HDAC9: variants seen among roughly 807,000 people sequenced by gnomAD.
HDAC9 encodes MEF-2 interacting transcription repressor (MITR) protein.
Under a neutral mutation model 139.4 loss-of-function variants are expected in HDAC9, and 41 were observed. That is an observed-to-expected ratio of 0.29 (90% CI 0.23 to 0.38). The LOEUF (loss-of-function observed/expected upper bound fraction) is 0.38. HDAC9 is among the 10% of genes least tolerant of loss of function. HDAC9 has a pLI of 1.00. For synonymous variants in HDAC9, 517 were observed against 476.2 expected (o/e 1.09, Z -1.12); for missense variants, 1,147 against 1,297.0 (o/e 0.88, Z 1.78).
At chr7:18,735,450 T>C (rs533481988) in intron 13 of HDAC9, among the ~76,000 whole-genome samples, 18 of 152,332 alleles carry the variant, frequency 1.2e-4, no homozygotes, top group Admixed American at 3.3e-4. Context: ...GCTTTCTACA[T>C]ATGTCTAGCC....
At chr7:18,551,536 T>A (rs1398261132) in intron 2 of HDAC9, among the ~76,000 whole-genome samples, 1 of 152,082 alleles carries the variant, frequency 6.6e-6, no homozygotes, top group Non-Finnish European at 1.5e-5. Context: ...ACCCTGACAA[T>A]GTGTGTCCTC....
chr7:18,588,265 G>A (rs904296231), intron 3 of HDAC9, among the ~76,000 whole-genome samples: 4 of 151,914 alleles, frequency 2.6e-5, no homozygotes. Flanking sequence ...GGCACCTAAT[G>A]TAAAAAACAA....
chr7:18,774,050 G>C (rs537515445), intron 16 of HDAC9, among the ~76,000 whole-genome samples: 1 of 151,834 alleles, frequency 6.6e-6, no homozygotes, highest in Non-Finnish European at 1.5e-5. Flanking sequence ...TGAGCCATAA[G>C]CAGGCAGTTC....
intron 7 of HDAC9, among the ~76,000 whole-genome samples, chr7:18,631,817 T>C (rs895322879): frequency 6.6e-5 from 10 of 151,974 alleles, no homozygotes; most frequent in Non-Finnish European, 1.0e-4. Context: ...CAAGCTCCAG[T>C]TCCAATATCA....
intron 1 of HDAC9, among the ~76,000 whole-genome samples, chr7:18,108,725 G>A (rs1278605930): frequency 1.3e-5 from 2 of 149,616 alleles, no homozygotes; most frequent in Admixed American, 6.8e-5. Context: ...AGATTCAAGC[G>A]ATTCTCCTGC....
chr7:18,181,966 C>T (rs542977266), intron 2 of HDAC9, among the ~76,000 whole-genome samples: 32 of 152,168 alleles, frequency 2.1e-4, no homozygotes, highest in East Asian at 1.9e-3. Flanking sequence ...AATTTGAAGA[C>T]GGAAGTGTTT....
intron 1 of HDAC9, among the ~76,000 whole-genome samples, chr7:18,462,734 A>G (rs1310763834): frequency 6.6e-6 from 1 of 152,014 alleles, no homozygotes; most frequent in Non-Finnish European, 1.5e-5. Context: ...ACTGCTGTAT[A>G]ATATCTACTC....
intron 6 of HDAC9, among the ~76,000 whole-genome samples, chr7:18,597,229 C>A (rs1832745448): frequency 6.6e-6 from 1 of 152,142 alleles, no homozygotes; most frequent in African/African-American, 2.4e-5. Flanking sequence ...GTGACTTCTC[C>A]TCCTTTCACA....
chr7:18,298,469 A>G (rs998974334), intron 1 of HDAC9, among the ~76,000 whole-genome samples: 3 of 151,780 alleles, frequency 2.0e-5, no homozygotes, highest in South Asian at 2.1e-4. Flanking sequence ...AGAGTGTGAT[A>G]TTCCCCTTCC....
In HDAC9 at chr7:18,564,388, T is replaced by A. The variant is rs184216309; in HGVS notation, c.23-20893T>A. On this transcript the variant is annotated intron_variant, in intron 2 of 25. Transcript: ENST00000686413. The stretch of plus-strand genomic sequence containing the variant: ...TATCAAGTGTGAGGTAATCCCTTTT[T>A]TTGGGGCTTGCTTATTTCTATTAAG... 9.2e-5 allele frequency among the ~76,000 whole-genome samples: 14 copies of A among 152,350 alleles called. No individual in the cohort carries two copies. The East Asian group carries it at 2.7e-3, about 29-fold the overall frequency.
At chr7:18,698,474 G>C (rs142689736) in intron 12 of HDAC9, among the ~76,000 whole-genome samples, 31 of 152,310 alleles carry the variant, frequency 2.0e-4, no homozygotes, top group African/African-American at 6.3e-4. Context: ...AATCATAAAA[G>C]CTATAGTTTC....
chr7:18,338,696 T>C (rs1781769386), intron 1 of HDAC9, among the ~76,000 whole-genome samples: 2 of 151,542 alleles, frequency 1.3e-5, no homozygotes, highest in South Asian at 4.1e-4. Context: ...TGTATTCTAT[T>C]TAAATAACAT....
At chr7:18,165,601 A>G (rs938383760) in intron 2 of HDAC9, among the ~76,000 whole-genome samples, 9 of 152,062 alleles carry the variant, frequency 5.9e-5, no homozygotes, top group African/African-American at 1.9e-4. Flanking sequence ...AGCCTGGGCA[A>G]TATGGTGAGA....
intron 2 of HDAC9, among the ~76,000 whole-genome samples, chr7:18,244,662 G>A (rs1378720521): frequency 6.6e-6 from 1 of 152,102 alleles, no homozygotes; most frequent in Non-Finnish European, 1.5e-5. Flanking sequence ...TCTGGGCGTG[G>A]TGGCGGGCGC....
intron 6 of HDAC9, among the ~76,000 whole-genome samples, chr7:18,604,250 G>A (rs1294151451): frequency 2.0e-5 from 3 of 152,026 alleles, no homozygotes; most frequent in African/African-American, 7.2e-5. Flanking sequence ...TTAGGAATAT[G>A]TTATACCTTT....
chr7:18,742,031 C>G (rs554395863), intron 13 of HDAC9, among the ~76,000 whole-genome samples: 28 of 152,226 alleles, frequency 1.8e-4, no homozygotes, highest in African/African-American at 6.5e-4. Context: ...ATGGAGTGTA[C>G]TCCTGGTGAA....
At chr7:18,478,749 C>G (rs538736417) in intron 1 of HDAC9, among the ~76,000 whole-genome samples, 1 of 152,250 alleles carries the variant, frequency 6.6e-6, no homozygotes, top group South Asian at 2.1e-4. Flanking sequence ...TAAACTTTCA[C>G]TATCAATGTA....
intron 2 of HDAC9, among the ~76,000 whole-genome samples, chr7:18,170,845 G>A (rs1788375542): frequency 6.6e-6 from 1 of 152,174 alleles, no homozygotes; most frequent in Non-Finnish European, 1.5e-5. Context: ...TTTGGTTACT[G>A]TTGGCTTGTA....
At chr7:18,926,458 G>A (rs1804238781) in intron 22 of HDAC9, among the ~76,000 whole-genome samples, 1 of 152,130 alleles carries the variant, frequency 6.6e-6, no homozygotes, top group South Asian at 2.1e-4. Context: ...TCAAACCTGT[G>A]ATGTAGAATA....
Sources: allele counts gnomAD v4.1 joint callset (sites outside exome capture counted in the v4.1 genomes callset), GRCh38; gene constraint gnomAD v4.1.1; transcripts MANE v1.5; gene names NCBI Gene and HGNC (gene_info 2026-07-23, HGNC 2026-07-21).